Variants in BIRC2 observed in about 807,000 individuals in gnomAD.
The protein encoded by BIRC2 is baculoviral IAP repeat containing 2.
A neutral mutation model predicts 60.9 loss-of-function variants in BIRC2; 18 were observed. That is an observed-to-expected ratio of 0.30 (90% CI 0.20 to 0.44). BIRC2 has a LOEUF of 0.44. Ranked by LOEUF, BIRC2 falls within the 20% of genes least tolerant of loss-of-function variation. The probability of loss-of-function intolerance (pLI) is 1.00; values close to 1 mark genes in which losing one functional copy is unlikely to be tolerated. For missense variants in BIRC2, 701 were observed against 728.5 expected, an observed-to-expected ratio of 0.96 and a Z score of 0.43; for synonymous variants, 282 against 247.7, an observed-to-expected ratio of 1.14 and a Z score of -1.30.
rs199529630 is a variant in BIRC2 at position 102,350,663 on chromosome 11, C to G, written c.809C>G (p.Ala270Gly). The change falls in exon 2 of 9, where the codon GCA becomes GGA. Residue 270 changes from alanine to glycine, a missense_variant. By Grantham distance (60) the Ala-to-Gly change is moderately conservative (BLOSUM62 0). Coordinates refer to ENST00000227758, the MANE Select transcript of BIRC2 (RefSeq NM_001166.5). ...SISNLSMQTH[A>G]ARMRTFMYWP... is the part of the protein sequence containing the mutation. ...TCAAATCTGAGCATGCAGACACATG[C>G]AGCTCGAATGAGAACATTTATGTAC... 1.9e-6 allele frequency: 3 copies of G among 1,613,766 alleles called. No homozygotes were observed. Among genetic ancestry groups the G allele is most frequent in the Non-Finnish European group, 2.5e-6 (3 of 1,180,030 alleles).
intron 3 of BIRC2, among the ~76,000 whole-genome samples, chr11:102,357,187 G>C (rs1177054754): frequency 6.6e-6 from 1 of 152,030 alleles, no homozygotes; most frequent in East Asian, 1.9e-4. Context: ...GTGTTGTCCT[G>C]GTCTGGCTTT....
chr11:102,378,250 A>G lies in BIRC2; in HGVS notation c.*67A>G, dbSNP rs1234409620. 1 of 1,236,882 alleles carries G rather than the reference A, an allele frequency of 8.1e-7. No individual in the cohort carries two copies. Among genetic ancestry groups the G allele is most frequent in the Non-Finnish European group, 1.1e-6 (1 of 925,334 alleles). The allele number at this position is 1,236,882 out of a possible 1,614,324, so 76.6% of individuals were successfully genotyped here. A position where few individuals can be genotyped will look rare whatever the true frequency, so the allele number is the denominator to read the frequency against. On this transcript the variant is annotated 3_prime_UTR_variant, in exon 9 of 9. Transcript: ENST00000227758. ...AAAATATTGTTGAACACTTGAAGCC[A>G]TCTAAAGTAAAAAGGGAATTATGAG...
chr11:102,372,853 G>A (rs1489496538), intron 6 of BIRC2, among the ~76,000 whole-genome samples: 1 of 119,904 alleles, frequency 8.3e-6, no homozygotes, highest in African/African-American at 3.3e-5. Flanking sequence ...GGGTGCTCCT[G>A]TATTGGGTGC....
At chr11:102,361,345 T>G (rs1951484037) in intron 3 of BIRC2, among the ~76,000 whole-genome samples, 1 of 150,572 alleles carries the variant, frequency 6.6e-6, no homozygotes, top group South Asian at 2.1e-4. Flanking sequence ...ATCTGGAGAG[T>G]GTGTGATTAG....
rs113909116 is a variant in BIRC2, at chr11:102,351,238, G to A, written c.995+295G>A. ...GACATATAAAATAGATTAAAAAGAC[G>A]TTAGAAAAAGGTAAGAACAGGAAAA... On this transcript the variant is annotated intron_variant, in intron 3 of 8. Transcript: ENST00000227758. 5.8e-4 allele frequency among the ~76,000 whole-genome samples: 89 copies of A among 152,236 alleles called. 1 individual carries two copies. The highest frequency in any genetic ancestry group is 2.0e-3 in the African/African-American group (85 of 41,524).
In BIRC2 at chr11:102,355,909, A is replaced by C. The variant is rs111685502; in HGVS notation, c.995+4966A>C. Among the ~76,000 whole-genome samples the C allele has an allele frequency of 5.7e-4, 86 of 152,116 alleles. 1 individual carries two copies. The highest frequency in any genetic ancestry group is 2.0e-3 in the African/African-American group (84 of 41,486). On this transcript the variant is annotated intron_variant, in intron 3 of 8. Transcript: ENST00000227758. The stretch of plus-strand genomic sequence containing the variant: ...GGATTACTTTCTTAAGTTCTCTTTC[A>C]GATAGTTCATTGTTAGTACTGACTT...
Position 102,370,057 on chromosome 11 carries a change from G to T in BIRC2, c.1366+1509G>T, listed in dbSNP as rs1432543457. 1.3e-3 allele frequency among the ~76,000 whole-genome samples: 202 copies of T among 152,174 alleles called. 1 individual carries two copies. The highest frequency in any genetic ancestry group is 4.7e-3 in the African/African-American group (193 of 41,464). On this transcript the variant is annotated intron_variant, in intron 6 of 8. Transcript: ENST00000227758. The stretch of plus-strand genomic sequence containing the variant: ...TTTGTTTGAGTTCATTGTAGATTCT[G>T]GTTATTAGCCCTTTGTCAGATGAGT...
At chr11:102,373,807 A>C (rs1045047152) in intron 6 of BIRC2, among the ~76,000 whole-genome samples, 7 of 151,646 alleles carry the variant, frequency 4.6e-5, no homozygotes, top group Non-Finnish European at 8.8e-5. Context: ...AGGTACACCA[A>C]TCAGACGTAG....
At chr11:102,375,156 C>T (rs150320833) in intron 6 of BIRC2, among the ~76,000 whole-genome samples, 10 of 152,166 alleles carry the variant, frequency 6.6e-5, no homozygotes, top group Admixed American at 2.0e-4. Flanking sequence ...AGCTGTACAC[C>T]GGAGCTGTTC....
At chr11:102,355,624 A>G (rs111962031) in intron 3 of BIRC2, among the ~76,000 whole-genome samples, 56 of 152,070 alleles carry the variant, frequency 3.7e-4, no homozygotes, top group African/African-American at 1.2e-3. Flanking sequence ...TACAAATTTT[A>G]TGATTGGTTT....
intron 3 of BIRC2, among the ~76,000 whole-genome samples, chr11:102,358,143 G>T (rs1313691498): frequency 1.3e-5 from 2 of 152,034 alleles, no homozygotes; most frequent in East Asian, 1.9e-4. Flanking sequence ...GTCTTGTTTT[G>T]TGACCTGCTG....
rs1297666035 is a variant in BIRC2, at chr11:102,347,224, A to C, written c.-1410A>C. The C allele has an allele frequency of 1.3e-5, 2 of 152,270 alleles. No homozygotes were observed. Among genetic ancestry groups the C allele is most frequent in the Non-Finnish European group, 2.9e-5 (2 of 68,056 alleles). The allele number at this position is 152,270 out of a possible 1,614,324, so 9.4% of individuals were successfully genotyped here. ...GGGCGCGCTGACGTCATCGTGCGTCAGAGTGAGCCCGGATGGGGCGGCGGG... is the reference window on the plus strand; with the variant it reads ...GGGCGCGCTGACGTCATCGTGCGTCCGAGTGAGCCCGGATGGGGCGGCGGG... On this transcript the variant is annotated 5_prime_UTR_variant, in exon 1 of 9. Coordinates refer to ENST00000227758, the MANE Select transcript of BIRC2 (RefSeq NM_001166.5).
intron 3 of BIRC2, among the ~76,000 whole-genome samples, chr11:102,355,578 C>G (rs1951411154): frequency 6.6e-6 from 1 of 151,708 alleles, no homozygotes; most frequent in African/African-American, 2.4e-5. Context: ...TGTTTTTTCT[C>G]AAGATTGCTT....
intron 3 of BIRC2, among the ~76,000 whole-genome samples, chr11:102,353,524 G>T (rs1165315986): frequency 1.3e-5 from 2 of 151,968 alleles, no homozygotes; most frequent in Non-Finnish European, 2.9e-5. Flanking sequence ...CGCTATGTTG[G>T]CCAGTCTAGT....
At chr11:102,361,319 C>T (rs569101653) in intron 3 of BIRC2, among the ~76,000 whole-genome samples, 1 of 152,256 alleles carries the variant, frequency 6.6e-6, no homozygotes, top group East Asian at 1.9e-4. Context: ...GTGTGCAGAG[C>T]AGCCAGAGAG....
intron 3 of BIRC2, among the ~76,000 whole-genome samples, chr11:102,360,775 G>GTTTTTTTTGTTTTT (rs1195332822): frequency 1.7e-4 from 23 of 135,732 alleles, no homozygotes; most frequent in African/African-American, 5.5e-4. Context: ...AGATTAGTGT[G>GTTTTTTTTGTTTTT]TTTTTTTTGT....
At chr11:102,354,713 G>A (rs1244360682) in intron 3 of BIRC2, among the ~76,000 whole-genome samples, 1 of 152,120 alleles carries the variant, frequency 6.6e-6, no homozygotes, top group Non-Finnish European at 1.5e-5. Flanking sequence ...ACCAACAATG[G>A]TCAAGGGTTC....
chr11:102,361,300 G>A (rs1324541499), intron 3 of BIRC2, among the ~76,000 whole-genome samples: 4 of 152,152 alleles, frequency 2.6e-5, no homozygotes, highest in Admixed American at 1.3e-4. Flanking sequence ...AGTTGGGTGC[G>A]GAGTGCAGGT....
At chr11:102,372,432 T>G (rs984823995) in intron 6 of BIRC2, among the ~76,000 whole-genome samples, 2 of 152,196 alleles carry the variant, frequency 1.3e-5, no homozygotes, top group Non-Finnish European at 2.9e-5. Flanking sequence ...ATGTACCCAG[T>G]AGTCATTCAG....
Sources: allele counts gnomAD v4.1 joint callset (sites outside exome capture counted in the v4.1 genomes callset), GRCh38; gene constraint gnomAD v4.1.1; transcripts MANE v1.5; gene names NCBI Gene and HGNC (gene_info 2026-07-23, HGNC 2026-07-21).